The following SGCE variants were observed in gnomAD, a reference collection of about 807,000 sequenced individuals.
The protein encoded by SGCE is epsilon-sarcoglycan.
A neutral mutation model predicts 57.8 loss-of-function variants in SGCE; 26 were observed. That is an observed-to-expected ratio of 0.45 (90% CI 0.33 to 0.62). SGCE has a LOEUF of 0.62. SGCE is among the 20% of genes least tolerant of loss of function. SGCE has a pLI of 0.02. For missense variants in SGCE, 468 were observed against 548.6 expected, an observed-to-expected ratio of 0.85 and a Z score of 1.47; for synonymous variants, 183 against 189.5, an observed-to-expected ratio of 0.97 and a Z score of 0.28.
chr7:94,623,002 G>A (rs1290922772), intron 4 of SGCE, among the ~76,000 whole-genome samples: 5 of 152,088 alleles, frequency 3.3e-5, no homozygotes, highest in Non-Finnish European at 5.9e-5. Context: ...GGAGTGCAGT[G>A]CTCCAGCCTT....
intron 1 of SGCE, among the ~76,000 whole-genome samples, chr7:94,646,577 A>T (rs1807108667): frequency 6.6e-6 from 1 of 152,242 alleles, no homozygotes; most frequent in Admixed American, 6.5e-5. Flanking sequence ...ATGTTGGACT[A>T]TTGTGAAAAT....
intron 1 of SGCE, among the ~76,000 whole-genome samples, chr7:94,650,816 C>A (rs1226923546): frequency 6.6e-6 from 1 of 152,154 alleles, no homozygotes; most frequent in Non-Finnish European, 1.5e-5. Context: ...TTCTACTTTC[C>A]GAAGCAAACA....
At position 94,599,698 on chromosome 7, in the gene SGCE, CTGGTG is replaced by C. The variant is rs758213105; in HGVS notation, c.1058_1062del (p.Thr353ArgfsTer24). ...AATAACAGGAAAGAAGACACTTACTCTGGTGTTTGCATGTTTCTCTTTTCCCTAGA... is the reference window on the plus strand; with the variant it reads ...AATAACAGGAAAGAAGACACTTACTCTTTGCATGTTTCTCTTTTCCCTAGA... On this transcript the variant is annotated frameshift_variant and splice_region_variant, in exon 8 of 11. Coordinates refer to ENST00000648936, the MANE Select transcript of SGCE (RefSeq NM_003919.3). LOFTEE classifies it high-confidence loss of function. 4 of 1,609,706 alleles carry C rather than the reference CTGGTG, an allele frequency of 2.5e-6. No homozygotes were observed. Among genetic ancestry groups the C allele is most frequent in the Non-Finnish European group, 3.4e-6 (4 of 1,176,386 alleles).
intron 1 of SGCE, among the ~76,000 whole-genome samples, chr7:94,638,130 G>A (rs930805650): frequency 1.8e-4 from 28 of 152,162 alleles, no homozygotes; most frequent in Non-Finnish European, 4.0e-4. Context: ...ATGAGATCAT[G>A]GGCCTGTGTC....
chr7:94,590,798 T>C (rs1797571117), intron 9 of SGCE: 1 of 152,142 alleles, frequency 6.6e-6, no homozygotes, highest in Non-Finnish European at 1.5e-5. Context: ...TTCTAAGAAA[T>C]CTGTAAAAAA....
At chr7:94,591,286 A>G (rs1797642448) in intron 9 of SGCE, among the ~76,000 whole-genome samples, 1 of 152,182 alleles carries the variant, frequency 6.6e-6, no homozygotes, top group South Asian at 2.1e-4. Context: ...GGCATCTCAC[A>G]CAGGGTGGGA....
intron 3 of SGCE, chr7:94,624,471 G>GT: frequency 2.8e-6 from 1 of 354,438 alleles, no homozygotes. Flanking sequence ...ACTCCATAAA[G>GT]TTAAAAGAAC....
At chr7:94,585,730 C>CTA (rs1460135511) in intron 10 of SGCE, among the ~76,000 whole-genome samples, 1 of 152,084 alleles carries the variant, frequency 6.6e-6, no homozygotes, top group African/African-American at 2.4e-5. Context: ...TGGACCAAAG[C>CTA]TATAATATTT....
intron 1 of SGCE, 22 bp from the exon 2 acceptor site, chr7:94,629,863 AAGTG>A (rs1332106545): frequency 1.2e-6 from 2 of 1,609,368 alleles, no homozygotes; most frequent in East Asian, 4.5e-5. Context: ...GAGGAAAGAT[AAGTG>A]ACAGAAAGAC....
intron 1 of SGCE, among the ~76,000 whole-genome samples, chr7:94,632,201 T>C (rs897225165): frequency 6.6e-6 from 1 of 151,964 alleles, no homozygotes; most frequent in Admixed American, 6.6e-5. Context: ...CAAAGCAAAA[T>C]GAAAGGTTGT....
At chr7:94,654,333 T>C (rs1027796481) in intron 1 of SGCE, among the ~76,000 whole-genome samples, 1 of 152,236 alleles carries the variant, frequency 6.6e-6, no homozygotes. Context: ...GCTTTTCATC[T>C]ATACTGGTTT....
At chr7:94,629,100 A>G (rs1025115280) in intron 2 of SGCE, 23 of 152,066 alleles carry the variant, frequency 1.5e-4, no homozygotes, top group Non-Finnish European at 2.5e-4. Flanking sequence ...ATTCACTTTT[A>G]TTTGCTGCTT....
chr7:94,599,698 C>G lies in SGCE; in HGVS notation c.1063G>C (p.Asp355His), dbSNP rs1798915911. 1.2e-6 allele frequency: 2 copies of G among 1,609,708 alleles called. No individual in the cohort carries two copies. Among genetic ancestry groups the G allele is most frequent in the African/African-American group, 1.3e-5 (1 of 74,836 alleles). Residue 355 changes from aspartate to histidine, a missense_variant and splice_region_variant, in exon 8 of 11, where the codon GAC (aspartate) becomes CAC (histidine). Coordinates refer to ENST00000648936, the MANE Select transcript of SGCE (RefSeq NM_003919.3). ...AATAACAGGAAAGAAGACACTTACT[C>G]TGGTGTTTGCATGTTTCTCTTTTCC... Reference protein sequence around the residue: ...GVEKRNMQTPDIQLVHHSAIQ... With the variant: ...GVEKRNMQTPHIQLVHHSAIQ...
chr7:94,595,710 A>T (rs1327887041), intron 9 of SGCE, among the ~76,000 whole-genome samples: 4 of 152,144 alleles, frequency 2.6e-5, no homozygotes, highest in Admixed American at 2.6e-4. Flanking sequence ...TCTGGTAAAA[A>T]GTAAAAGTTG....
chr7:94,642,357 A>T (rs1015950512), intron 1 of SGCE, among the ~76,000 whole-genome samples: 1 of 152,198 alleles, frequency 6.6e-6, no homozygotes, highest in Non-Finnish European at 1.5e-5. Context: ...AAATGCTAAT[A>T]GTCTCTTGTG....
intron 1 of SGCE, among the ~76,000 whole-genome samples, chr7:94,648,306 C>T (rs567587155): frequency 1.2e-4 from 17 of 138,032 alleles, no homozygotes; most frequent in Admixed American, 3.3e-4. Context: ...ACCCGGGAGG[C>T]GGAGGTTGCA....
intron 1 of SGCE, 41 bp downstream of exon 1, chr7:94,655,949 T>G (rs1176656745): frequency 3.8e-6 from 5 of 1,317,174 alleles, no homozygotes; most frequent in Non-Finnish European, 4.4e-6. Context: ...GGCGGCGGCC[T>G]GTTGGCCCCG....
chr7:94,611,429 G>A (rs1801016875), intron 5 of SGCE, among the ~76,000 whole-genome samples: 2 of 149,118 alleles, frequency 1.3e-5, no homozygotes, highest in African/African-American at 4.9e-5. Flanking sequence ...TATACAAAAT[G>A]TCCAGAATAG....
At chr7:94,587,483 T>A (rs1295328701) in intron 10 of SGCE, 9 of 1,264,218 alleles carry the variant, frequency 7.1e-6, no homozygotes, top group Non-Finnish European at 8.9e-6. Flanking sequence ...GTTCTATCAT[T>A]TCTATCGTAG....
Sources: gnomAD v4.1 joint callset for allele counts (sites outside exome capture counted in the v4.1 genomes callset) on GRCh38, gnomAD v4.1.1 for gene constraint, MANE v1.5 for transcripts, NCBI Gene and HGNC (gene_info 2026-07-23, HGNC 2026-07-21) for gene names.